TMEM132D: variants seen among roughly 807,000 people sequenced by gnomAD.
The protein encoded by TMEM132D is transmembrane protein 132D, also known as mature OL transmembrane protein.
A neutral mutation model predicts 62.3 loss-of-function variants in TMEM132D; 21 were observed. The ratio of observed to expected loss-of-function variants is 0.34; its 90% CI spans 0.24 to 0.49. The LOEUF (loss-of-function observed/expected upper bound fraction) is 0.49. Ranked by LOEUF, TMEM132D falls within the 20% of genes least tolerant of loss-of-function variation. The pLI is 0.99. For missense variants in TMEM132D, 1,346 were observed against 1,402.8 expected, an observed-to-expected ratio of 0.96 and a Z score of 0.65; for synonymous variants, 621 against 575.6, an observed-to-expected ratio of 1.08 and a Z score of -1.13.
intron 1 of TMEM132D, among the ~76,000 whole-genome samples, chr12:129,775,283 T>C (rs1014933952): frequency 6.6e-6 from 1 of 152,188 alleles, no homozygotes; most frequent in Admixed American, 6.5e-5. Flanking sequence ...AGGCTTTGGA[T>C]GTCAATGAGG....
chr12:129,151,288 G>T (rs1232961219), intron 5 of TMEM132D, among the ~76,000 whole-genome samples: 1 of 152,230 alleles, frequency 6.6e-6, no homozygotes, highest in Non-Finnish European at 1.5e-5. Context: ...ATTCGCCTAG[G>T]TTATTTCATT....
chr12:129,238,996 G>GTTTTTTTTT (rs1555240386), intron 4 of TMEM132D, among the ~76,000 whole-genome samples: 1 of 133,046 alleles, frequency 7.5e-6, no homozygotes, highest in African/African-American at 2.8e-5. Flanking sequence ...GTTATTTTCT[G>GTTTTTTTTT]TTTTTTTTTT....
chr12:129,902,916 G>C (rs1042849410), intron 1 of TMEM132D, among the ~76,000 whole-genome samples: 17 of 152,188 alleles, frequency 1.1e-4, no homozygotes, highest in Admixed American at 9.8e-4. Flanking sequence ...CAGCCGGCTC[G>C]GCCCTCCAGA....
chr12:129,101,244 A>G (rs1003587110), intron 5 of TMEM132D, among the ~76,000 whole-genome samples: 2 of 152,194 alleles, frequency 1.3e-5, no homozygotes, highest in African/African-American at 4.8e-5. Context: ...CGAGCCTCCA[A>G]CAAACAGCCC....
intron 1 of TMEM132D, among the ~76,000 whole-genome samples, chr12:129,842,921 T>C (rs1300589009): frequency 6.6e-6 from 1 of 152,266 alleles, no homozygotes; most frequent in Non-Finnish European, 1.5e-5. Flanking sequence ...ATCCTGGCTT[T>C]CCACTTATAT....
At chr12:129,445,276 CA>C (rs1176672986) in intron 3 of TMEM132D, among the ~76,000 whole-genome samples, 7 of 152,094 alleles carry the variant, frequency 4.6e-5, no homozygotes, top group Admixed American at 4.6e-4. Context: ...CACATGGACA[CA>C]AAGAGGGGAA....
Position 129,765,558 on chromosome 12 carries a change from T to C in TMEM132D, c.80-64860A>G, listed in dbSNP as rs555982677. ...TCCAGCCTGGGCAACAAGAGTGAAA[T>C]TGCATCTCCCAAAAAAAAAAAAAAG... is the stretch of plus-strand genomic sequence containing the variant. On this transcript the variant is annotated intron_variant, in intron 1 of 8. Transcript: ENST00000422113. Among the ~76,000 whole-genome samples the C allele has an allele frequency of 1.2e-4, 12 of 101,174 alleles. No individual in the cohort carries two copies. In the South Asian group the frequency reaches 4.4e-3, roughly 37 times the overall value. The allele number at this position is 101,174 out of a possible 152,430, so 66.4% of individuals were successfully genotyped here. A position where few individuals can be genotyped will look rare whatever the true frequency, so the allele number is the denominator to read the frequency against.
intron 1 of TMEM132D, among the ~76,000 whole-genome samples, chr12:129,861,004 C>A (rs528883756): frequency 6.6e-6 from 1 of 152,170 alleles, no homozygotes; most frequent in African/African-American, 2.4e-5. Context: ...GGGACACAGC[C>A]AAACCATATC....
chr12:129,501,999 C>CT (rs10532306), intron 3 of TMEM132D, among the ~76,000 whole-genome samples: 74 of 149,898 alleles, frequency 4.9e-4, no homozygotes, highest in Admixed American at 6.6e-4. Context: ...ATTTCTGTGA[C>CT]TTTTTTTTTT....
chr12:129,126,271 GA>G (rs1452237103), intron 5 of TMEM132D, among the ~76,000 whole-genome samples: 1 of 151,674 alleles, frequency 6.6e-6, no homozygotes, highest in African/African-American at 2.4e-5. Flanking sequence ...TTCTGTCTCA[GA>G]AGCATTACAC....
At chr12:129,421,296 G>C (rs1186415848) in intron 3 of TMEM132D, among the ~76,000 whole-genome samples, 1 of 75,214 alleles carries the variant, frequency 1.3e-5, no homozygotes, top group Non-Finnish European at 2.9e-5. Flanking sequence ...GGAGATCATA[G>C]TATGTATCAC....
At chr12:129,388,994 C>G (rs144815290) in intron 3 of TMEM132D, among the ~76,000 whole-genome samples, 1 of 129,816 alleles carries the variant, frequency 7.7e-6, no homozygotes, top group Non-Finnish European at 1.8e-5. Context: ...TAAACACTAA[C>G]AGCAACACCG....
At chr12:129,521,137 C>T (rs547782470) in intron 3 of TMEM132D, among the ~76,000 whole-genome samples, 1 of 152,258 alleles carries the variant, frequency 6.6e-6, no homozygotes, top group South Asian at 2.1e-4. Context: ...ATTCTGTCCA[C>T]AAAACAGAAA....
intron 1 of TMEM132D, among the ~76,000 whole-genome samples, chr12:129,712,160 T>G (rs1035386146): frequency 6.6e-6 from 1 of 152,180 alleles, no homozygotes; most frequent in Admixed American, 6.5e-5. Flanking sequence ...AGTCTCACTC[T>G]GTCACCCAGA....
chr12:129,377,834 C>T (rs1029497800), intron 3 of TMEM132D, among the ~76,000 whole-genome samples: 1 of 152,198 alleles, frequency 6.6e-6, no homozygotes, highest in African/African-American at 2.4e-5. Context: ...TTTTCCCATC[C>T]ATATTTTCCT....
At chr12:129,711,676 G>C (rs993639090) in intron 1 of TMEM132D, among the ~76,000 whole-genome samples, 6 of 145,900 alleles carry the variant, frequency 4.1e-5, no homozygotes, top group Admixed American at 1.4e-4. Context: ...GGAGTGAGCC[G>C]AGATCGCGCC....
At chr12:129,367,513 G>A (rs2135678435) in intron 3 of TMEM132D, among the ~76,000 whole-genome samples, 1 of 152,280 alleles carries the variant, frequency 6.6e-6, no homozygotes, top group East Asian at 1.9e-4. Context: ...AGTCTTCAGA[G>A]TCCCATGGGG....
rs184100273 is a variant in TMEM132D at position 129,315,276 on chromosome 12, G to C, written c.1299+22358C>G. ...CCCCATTCAGTATTATGTTGGCTGT[G>C]AGTTTGTCATAGATGGCTTTTATTA... On this transcript the variant is annotated intron_variant, in intron 4 of 8. Transcript: ENST00000422113. Among the ~76,000 whole-genome samples, 589 of 152,270 alleles carry C rather than the reference G, an allele frequency of 3.9e-3. 2 individuals carry two copies. Among genetic ancestry groups the C allele is most frequent in the African/African-American group, 0.013 (546 of 41,568 alleles).
At chr12:129,323,831 G>A (rs907527452) in intron 4 of TMEM132D, among the ~76,000 whole-genome samples, 9 of 152,112 alleles carry the variant, frequency 5.9e-5, no homozygotes, top group African/African-American at 2.2e-4. Flanking sequence ...CATTAATGAG[G>A]AATAGTGGGT....
Sources: gnomAD v4.1 joint callset for allele counts (sites outside exome capture counted in the v4.1 genomes callset) on GRCh38, gnomAD v4.1.1 for gene constraint, MANE v1.5 for transcripts, NCBI Gene and HGNC (gene_info 2026-07-23, HGNC 2026-07-21) for gene names.